Variants in SVIL observed in about 807,000 individuals in gnomAD.
The protein encoded by SVIL is supervillin.
SVIL carries 101 observed loss-of-function variants against 240.4 expected under a neutral mutation model. The observed-to-expected ratio is 0.42, with a 90% CI of 0.36 to 0.50. SVIL has a LOEUF of 0.50. Among genes scored for constraint, SVIL ranks in the 20% least tolerant of loss-of-function variants. The pLI is 0.01. For missense variants in SVIL, 2,512 were observed against 2,818.7 expected, an observed-to-expected ratio of 0.89 and a Z score of 2.46; for synonymous variants, 999 against 1,100.0, an observed-to-expected ratio of 0.91 and a Z score of 1.82.
At chr10:29,718,179 A>T (rs1435726549) in intron 1 of SVIL, among the ~76,000 whole-genome samples, 1 of 152,046 alleles carries the variant, frequency 6.6e-6, no homozygotes, top group Non-Finnish European at 1.5e-5. Context: ...TACAAAAATT[A>T]GCCAGGCGTG....
At chr10:29,587,357 C>G (rs1056301874) in intron 1 of SVIL, among the ~76,000 whole-genome samples, 1 of 152,196 alleles carries the variant, frequency 6.6e-6, no homozygotes, top group Non-Finnish European at 1.5e-5. Flanking sequence ...CCCCAGCCAC[C>G]AGCCTCCGCA....
chr10:29,527,549 C>G (rs906399046), intron 12 of SVIL, among the ~76,000 whole-genome samples: 1 of 151,894 alleles, frequency 6.6e-6, no homozygotes, highest in Non-Finnish European at 1.5e-5. Context: ...GCCTCAGCCT[C>G]CTGAGTAGCT....
rs1323408870 is a variant in SVIL at position 29,509,330 on chromosome 10, G to GGAGGGA, written c.3516+3404_3516+3405insTCCCTC. On this transcript the variant is annotated intron_variant, in intron 17 of 37. Transcript: ENST00000355867. ...GAGAGAAAGGGAGAAGGAGGGGGAG[G>GGAGGGA]GAGAGAGAGAGAGAGAGAGAGAGAG... Among the ~76,000 whole-genome samples, 403 of 66,832 alleles carry GGAGGGA rather than the reference G, an allele frequency of 6.0e-3. 4 individuals carry two copies. Among genetic ancestry groups the GGAGGGA allele is most frequent in the Non-Finnish European group, 8.6e-3 (276 of 32,212 alleles). 43.8% of individuals were successfully genotyped at this position (66,832 alleles called of 152,430 possible).
At chr10:29,712,405 G>T (rs772037509) in intron 1 of SVIL, among the ~76,000 whole-genome samples, 19 of 152,150 alleles carry the variant, frequency 1.2e-4, no homozygotes, top group Non-Finnish European at 2.2e-4. Flanking sequence ...GACCTTAGCT[G>T]GTTGTTAGAA....
In SVIL at chr10:29,596,884, G is replaced by A. The variant is rs181205418; in HGVS notation, c.-200-27572C>T. Among the ~76,000 whole-genome samples the A allele has an allele frequency of 7.2e-5, 11 of 152,336 alleles. No individual in the cohort carries two copies. In the East Asian group the frequency reaches 9.6e-4, roughly 13 times the overall value. ...AAAGGGCTTTAATCAAGGCAGCTTC[G>A]TGTGATCCCGCTAGCATGAAGTTAA... On this transcript the variant is annotated intron_variant, in intron 1 of 37. Coordinates refer to ENST00000355867, the MANE Select transcript of SVIL (RefSeq NM_021738.3).
intron 3 of SVIL, among the ~76,000 whole-genome samples, chr10:29,556,347 G>A (rs1310067440): frequency 1.3e-5 from 2 of 152,180 alleles, no homozygotes; most frequent in African/African-American, 4.8e-5. Flanking sequence ...AGTCACAGGA[G>A]AAACTCAAAG....
intron 5 of SVIL, among the ~76,000 whole-genome samples, chr10:29,552,721 C>A (rs1953492285): frequency 6.6e-6 from 1 of 152,012 alleles, no homozygotes; most frequent in Admixed American, 6.6e-5. Context: ...TGTATCTTTT[C>A]CATTATTTTC....
chr10:29,507,622 C>CAA, intron 17 of SVIL: 1 of 287,134 alleles, frequency 3.5e-6, no homozygotes, highest in Non-Finnish European at 5.2e-6. Context: ...CACACACACA[C>CAA]CTCTCTTTCA....
At chr10:29,678,499 C>T (rs1960376109) in intron 2 of SVIL, among the ~76,000 whole-genome samples, 1 of 152,170 alleles carries the variant, frequency 6.6e-6, no homozygotes, top group Non-Finnish European at 1.5e-5. Flanking sequence ...CACTCGTTCA[C>T]CTGCCGCTCA....
At chr10:29,608,576 C>T (rs1252686876) in intron 1 of SVIL, among the ~76,000 whole-genome samples, 1 of 152,268 alleles carries the variant, frequency 6.6e-6, no homozygotes, top group Non-Finnish European at 1.5e-5. Flanking sequence ...TGCCTGTTCC[C>T]ACTCTCTGGC....
chr10:29,498,990 A>T, intron 18 of SVIL, 126 bp downstream of exon 18: 3 of 1,385,066 alleles, frequency 2.2e-6, no homozygotes, highest in Non-Finnish European at 2.9e-6. Flanking sequence ...CTTAGAAAAA[A>T]CTTAAAAAGA....
chr10:29,511,770 A>G (rs553926734), intron 17 of SVIL, among the ~76,000 whole-genome samples: 1 of 152,342 alleles, frequency 6.6e-6, no homozygotes, highest in East Asian at 1.9e-4. Context: ...AGTGAAACCT[A>G]AGAAGACACA....
chr10:29,542,514 T>C (rs1436393001), intron 6 of SVIL, among the ~76,000 whole-genome samples: 1 of 152,134 alleles, frequency 6.6e-6, no homozygotes, highest in African/African-American at 2.4e-5. Context: ...TTGCCATTTG[T>C]TGTCTTTTTT....
intron 1 of SVIL, among the ~76,000 whole-genome samples, chr10:29,699,277 C>A (rs1034577855): frequency 6.6e-6 from 1 of 152,036 alleles, no homozygotes; most frequent in African/African-American, 2.4e-5. Context: ...TACTGGCATG[C>A]ATCACCATGA....
intron 6 of SVIL, among the ~76,000 whole-genome samples, chr10:29,541,493 G>A (rs1952153201): frequency 6.6e-6 from 1 of 152,196 alleles, no homozygotes; most frequent in African/African-American, 2.4e-5. Context: ...AGGACTTCTT[G>A]AGTACTGAAA....
intron 3 of SVIL, among the ~76,000 whole-genome samples, chr10:29,644,887 G>C (rs1379291917): frequency 6.6e-6 from 1 of 151,950 alleles, no homozygotes; most frequent in Non-Finnish European, 1.5e-5. Context: ...CTGGGGCGTG[G>C]GAGGATGGGG....
At chr10:29,710,716 A>T (rs1564349713) in intron 1 of SVIL, among the ~76,000 whole-genome samples, 1 of 152,222 alleles carries the variant, frequency 6.6e-6, no homozygotes, top group Non-Finnish European at 1.5e-5. Flanking sequence ...AGGTTAAAGA[A>T]AAATTTATTT....
intron 29 of SVIL, among the ~76,000 whole-genome samples, chr10:29,474,928 G>T (rs1946027415): frequency 6.6e-6 from 1 of 152,222 alleles, no homozygotes; most frequent in Admixed American, 6.5e-5. Context: ...CACCAGGGCT[G>T]CTGCCAGGAT....
rs1335239312 is a variant in SVIL, at chr10:29,532,888, C to T, written c.1479G>A (p.Leu493=). The T allele has an allele frequency of 2.5e-6, 4 of 1,614,120 alleles. No homozygotes were observed. Among genetic ancestry groups the T allele is most frequent in the Non-Finnish European group, 3.4e-6 (4 of 1,180,020 alleles). The change falls in exon 8 of 38, where the codon CTG becomes CTA. Residue 493 remains leucine, a synonymous_variant. Transcript: ENST00000355867. The part of the protein sequence containing the change: ...STVTLEHQKE[L]ENVAQPPQAP... ...CTTGAGGGGGTTGTGCCACGTTTTC[C>T]AGTTCCTTCTGATGCTCTAAGGTGA...
Sources: allele counts gnomAD v4.1 joint callset (sites outside exome capture counted in the v4.1 genomes callset), GRCh38; gene constraint gnomAD v4.1.1; transcripts MANE v1.5; gene names NCBI Gene and HGNC (gene_info 2026-07-23, HGNC 2026-07-21).